The following ERBB4 variants were observed in gnomAD, a reference collection of about 807,000 sequenced individuals.
The protein encoded by ERBB4 is receptor tyrosine-protein kinase erbB-4.
In ERBB4, 42 loss-of-function variants were observed where a neutral mutation model predicts 158.0. That is an observed-to-expected ratio of 0.27 (90% CI 0.21 to 0.34). The LOEUF is 0.34. ERBB4 is among the 10% of genes least tolerant of loss of function. ERBB4 has a pLI of 1.00. For missense variants in ERBB4, 1,333 were observed against 1,624.1 expected, an observed-to-expected ratio of 0.82 and a Z score of 3.08; for synonymous variants, 583 against 558.7, an observed-to-expected ratio of 1.04 and a Z score of -0.61.
chr2:211,969,243 A>T (rs2081386961), intron 2 of ERBB4, among the ~76,000 whole-genome samples: 1 of 152,044 alleles, frequency 6.6e-6, no homozygotes. Context: ...AAAAAAAGAG[A>T]CATTATATGC....
At chr2:211,879,596 G>C (rs2078606303) in intron 3 of ERBB4, among the ~76,000 whole-genome samples, 1 of 152,154 alleles carries the variant, frequency 6.6e-6, no homozygotes, top group Non-Finnish European at 1.5e-5. Flanking sequence ...TATAGGATCT[G>C]TACCCAAGAT....
At chr2:212,537,736 A>G (rs1693172363) in intron 1 of ERBB4, among the ~76,000 whole-genome samples, 1 of 146,944 alleles carries the variant, frequency 6.8e-6, no homozygotes, top group South Asian at 2.1e-4. Flanking sequence ...TTCTGGCTCA[A>G]GTGTGCCAAG....
intron 1 of ERBB4, among the ~76,000 whole-genome samples, chr2:212,153,570 C>T (rs2080939159): frequency 6.6e-6 from 1 of 152,144 alleles, no homozygotes; most frequent in Non-Finnish European, 1.5e-5. Flanking sequence ...TTATAGCCAA[C>T]ACCGCATATT....
rs144933121 is a variant in ERBB4, at chr2:212,028,821, C to G, written c.235-81205G>C. ...TATATGGAGCCTAGTAGACTTAACCCAAAGGAATTTATGTCTAAATGTGAA... is the reference window on the plus strand; with the variant it reads ...TATATGGAGCCTAGTAGACTTAACCGAAAGGAATTTATGTCTAAATGTGAA... On this transcript the variant is annotated intron_variant, in intron 2 of 27. Coordinates refer to ENST00000342788, the MANE Select transcript of ERBB4 (RefSeq NM_005235.3). Among the ~76,000 whole-genome samples, 734 of 152,110 alleles carry G rather than the reference C, an allele frequency of 4.8e-3. 8 individuals carry two copies. Among genetic ancestry groups the G allele is most frequent in the African/African-American group, 0.017 (700 of 41,508 alleles).
chr2:211,513,685 C>T lies in ERBB4; in HGVS notation c.2487+48218G>A, dbSNP rs79372879. On this transcript the variant is annotated intron_variant, in intron 20 of 27. Coordinates refer to ENST00000342788, the MANE Select transcript of ERBB4 (RefSeq NM_005235.3). ...AAAGAAACTTGGACAGCTCCTCCAG[C>T]TGCTAGAGTAATAGGTCTTTGGCAG... Among the ~76,000 whole-genome samples the T allele has an allele frequency of 4.9e-3, 749 of 152,220 alleles. 6 individuals carry two copies. Among genetic ancestry groups the T allele is most frequent in the Middle Eastern group, 0.017 (5 of 294 alleles).
chr2:212,499,596 A>G (rs1690768887), intron 1 of ERBB4, among the ~76,000 whole-genome samples: 1 of 152,126 alleles, frequency 6.6e-6, no homozygotes, highest in Non-Finnish European at 1.5e-5. Context: ...AATGGAGATA[A>G]AGGTACTGGT....
chr2:211,832,580 A>G (rs552671195), intron 3 of ERBB4, among the ~76,000 whole-genome samples: 37 of 150,610 alleles, frequency 2.5e-4, no homozygotes, highest in Middle Eastern at 6.9e-3. Flanking sequence ...GTGTGTGTGT[A>G]TATATATATA....
intron 20 of ERBB4, among the ~76,000 whole-genome samples, chr2:211,505,561 A>G (rs2125600404): frequency 7.5e-6 from 1 of 133,296 alleles, no homozygotes; most frequent in Non-Finnish European, 1.6e-5. Flanking sequence ...TGAGACCTCA[A>G]GGCAACTAGC....
chr2:212,103,087 G>A (rs150111393), intron 2 of ERBB4, among the ~76,000 whole-genome samples: 2 of 152,156 alleles, frequency 1.3e-5, no homozygotes, highest in African/African-American at 4.8e-5. Flanking sequence ...CATGACAGAT[G>A]GAGCTTACTG....
chr2:211,582,276 T>C (rs953136532), intron 19 of ERBB4, among the ~76,000 whole-genome samples: 13 of 152,178 alleles, frequency 8.5e-5, no homozygotes, highest in Non-Finnish European at 1.8e-4. Context: ...TATTGCTTTG[T>C]TTTTGGTCTA....
At chr2:211,784,411 T>C (rs1239691978) in intron 4 of ERBB4, among the ~76,000 whole-genome samples, 2 of 152,230 alleles carry the variant, frequency 1.3e-5, no homozygotes, top group Non-Finnish European at 2.9e-5. Context: ...TTTATTCATG[T>C]TGTAGCATGT....
rs137897779 is a variant in ERBB4, at chr2:212,523,503, T to A, written c.82+14946A>T. On this transcript the variant is annotated intron_variant, in intron 1 of 27. Transcript: ENST00000342788. ...GATTAATTGGTGATAATATAATGGA[T>A]CAGAAGTGTGAATATCTAATATGAA... Among the ~76,000 whole-genome samples the A allele has an allele frequency of 7.1e-4, 108 of 152,004 alleles. 3 individuals carry two copies. The East Asian group carries it at 0.019, about 27-fold the overall frequency.
chr2:211,481,602 T>A (rs2065085861), intron 20 of ERBB4, among the ~76,000 whole-genome samples: 1 of 151,688 alleles, frequency 6.6e-6, no homozygotes, highest in Non-Finnish European at 1.5e-5. Flanking sequence ...AGGTAATATA[T>A]GAATATATGA....
chr2:212,048,827 T>C (rs1294480182), intron 2 of ERBB4, among the ~76,000 whole-genome samples: 1 of 152,184 alleles, frequency 6.6e-6, no homozygotes, highest in African/African-American at 2.4e-5. Context: ...GATGAGATCA[T>C]TTAAGACAAG....
intron 1 of ERBB4, among the ~76,000 whole-genome samples, chr2:212,475,729 A>G (rs1347198442): frequency 1.3e-5 from 2 of 152,174 alleles, no homozygotes; most frequent in Non-Finnish European, 2.9e-5. Context: ...AAAATAATAT[A>G]ACTCTGCTAT....
intron 20 of ERBB4, among the ~76,000 whole-genome samples, chr2:211,486,224 T>G (rs1438765242): frequency 1.3e-5 from 2 of 152,200 alleles, no homozygotes; most frequent in African/African-American, 4.8e-5. Context: ...TTTTCTTTTT[T>G]CTTAATTAAC....
chr2:212,365,469 G>A (rs2089853428), intron 1 of ERBB4, among the ~76,000 whole-genome samples: 1 of 151,758 alleles, frequency 6.6e-6, no homozygotes, highest in South Asian at 2.1e-4. Context: ...TAAACCAAGT[G>A]TCATTAAAAA....
At chr2:212,471,697 T>G (rs1689126356) in intron 1 of ERBB4, among the ~76,000 whole-genome samples, 1 of 151,962 alleles carries the variant, frequency 6.6e-6, no homozygotes, top group South Asian at 2.1e-4. Flanking sequence ...ATTGCTGTTG[T>G]TATTAGTTCT....
chr2:211,747,406 T>G (rs151245607), intron 5 of ERBB4, among the ~76,000 whole-genome samples: 2 of 152,018 alleles, frequency 1.3e-5, no homozygotes, highest in South Asian at 4.2e-4. Flanking sequence ...GGGGCAGAAA[T>G]CACTTCTGGT....
Sources: gnomAD v4.1 joint callset for allele counts (sites outside exome capture counted in the v4.1 genomes callset) on GRCh38, gnomAD v4.1.1 for gene constraint, MANE v1.5 for transcripts, NCBI Gene and HGNC (gene_info 2026-07-23, HGNC 2026-07-21) for gene names.